Variants in SLC24A3 observed in about 807,000 individuals in gnomAD.
The protein encoded by SLC24A3 is sodium/potassium/calcium exchanger 3.
A neutral mutation model predicts 75.8 loss-of-function variants in SLC24A3; 28 were observed. The observed-to-expected ratio is 0.37, with a 90% CI of 0.27 to 0.51. The LOEUF (loss-of-function observed/expected upper bound fraction) is 0.51. SLC24A3 is among the 20% of genes least tolerant of loss of function. The probability of loss-of-function intolerance (pLI) is 0.94; values close to 1 mark genes in which losing one functional copy is unlikely to be tolerated. For synonymous variants in SLC24A3, 372 were observed against 334.1 expected (o/e 1.11, Z -1.24); for missense variants, 663 against 847.8 (o/e 0.78, Z 2.71).
intron 15 of SLC24A3, among the ~76,000 whole-genome samples, chr20:19,713,431 C>T (rs759703882): frequency 2.0e-5 from 3 of 152,180 alleles, no homozygotes; most frequent in Non-Finnish European, 2.9e-5. Context: ...GAGTGGCATC[C>T]GGGGTCTCTC....
Position 19,721,287 on chromosome 20 carries a change from GGCTCTCCC to G in SLC24A3, c.*148_*155del. ...CCTCCGCTCCTGTTTTGGTGGCCCA[GGCTCTCCC>G]CTGACCCATCCTCGCTCCCCCACCT... On this transcript the variant is annotated 3_prime_UTR_variant, in exon 17 of 17. Coordinates refer to ENST00000328041, the MANE Select transcript of SLC24A3 (RefSeq NM_020689.4). The G allele has an allele frequency of 9.7e-7, 1 of 1,033,166 alleles. No individual in the cohort carries two copies. Among genetic ancestry groups the G allele is most frequent in the Non-Finnish European group, 1.4e-6 (1 of 717,700 alleles). 64.0% of individuals were successfully genotyped at this position (1,033,166 alleles called of 1,614,324 possible).
At chr20:19,498,955 GAGA>G (rs1395122756) in intron 2 of SLC24A3, among the ~76,000 whole-genome samples, 6 of 152,318 alleles carry the variant, frequency 3.9e-5, no homozygotes, top group Admixed American at 1.3e-4. Context: ...TCTCCAAGCT[GAGA>G]AGACCACATG....
At position 19,662,924 on chromosome 20, in the gene SLC24A3, G is replaced by A. The variant is rs150687994; in HGVS notation, c.688-2940G>A. Among the ~76,000 whole-genome samples, 389 of 152,298 alleles carry A rather than the reference G, an allele frequency of 2.6e-3. 3 individuals carry two copies. Among genetic ancestry groups the A allele is most frequent in the African/African-American group, 8.5e-3 (352 of 41,564 alleles). Reference sequence around the variant, plus strand: ...CAGCAAGGTACCCTCCCGATGGAACGTTCTGCAAACAGCGCCAGTCCTAAT... The same window carrying A: ...CAGCAAGGTACCCTCCCGATGGAACATTCTGCAAACAGCGCCAGTCCTAAT... On this transcript the variant is annotated intron_variant, in intron 7 of 16. Coordinates refer to ENST00000328041, the MANE Select transcript of SLC24A3 (RefSeq NM_020689.4).
intron 7 of SLC24A3, among the ~76,000 whole-genome samples, chr20:19,659,965 C>A (rs926415294): frequency 1.3e-5 from 2 of 152,134 alleles, no homozygotes; most frequent in Non-Finnish European, 2.9e-5. Flanking sequence ...TTGTATCTTG[C>A]CCTTTCTGTG....
At chr20:19,673,981 A>G (rs754649412) in intron 9 of SLC24A3, among the ~76,000 whole-genome samples, 12 of 152,238 alleles carry the variant, frequency 7.9e-5, no homozygotes, top group Admixed American at 1.3e-4. Context: ...ATAAAACTCA[A>G]TATGTTACAC....
chr20:19,483,919 G>A (rs1191384318), intron 2 of SLC24A3, among the ~76,000 whole-genome samples: 2 of 152,098 alleles, frequency 1.3e-5, no homozygotes, highest in African/African-American at 2.4e-5. Flanking sequence ...GGTGTTTAAC[G>A]GTTAGCTGGA....
chr20:19,546,409 T>A (rs1256427709), intron 3 of SLC24A3, among the ~76,000 whole-genome samples: 1 of 152,104 alleles, frequency 6.6e-6, no homozygotes, highest in Non-Finnish European at 1.5e-5. Flanking sequence ...CCTTCTCCCA[T>A]CTTTTAAAGT....
rs753998289 is a variant in SLC24A3, at chr20:19,280,961, C to T, written c.145C>T (p.Leu49Phe). 9.3e-6 allele frequency: 15 copies of T among 1,613,600 alleles called. No homozygotes were observed. Among genetic ancestry groups the T allele is most frequent in the Non-Finnish European group, 1.3e-5 (15 of 1,179,728 alleles). ...GGTTATTGTCTTTGTCTCCCCAGAG[C>T]TTGACCTCATGGACCTCGTAGGGGA... ...SLSSLREQKE[L>F]DLMDLVGEDR... is the part of the protein sequence containing the mutation. Residue 49 changes from leucine (L) to phenylalanine (F), a missense_variant and splice_region_variant, in exon 2 of 17, where the codon CTT (leucine) becomes TTT (phenylalanine). By Grantham distance (22) the Leu-to-Phe change is conservative (BLOSUM62 0). Coordinates refer to ENST00000328041, the MANE Select transcript of SLC24A3 (RefSeq NM_020689.4).
At chr20:19,268,654 A>G (rs1311149407) in intron 1 of SLC24A3, among the ~76,000 whole-genome samples, 1 of 152,206 alleles carries the variant, frequency 6.6e-6, no homozygotes, top group African/African-American at 2.4e-5. Flanking sequence ...TCATAAGTCC[A>G]TGTATCTTCC....
chr20:19,445,614 A>G (rs1228871767), intron 2 of SLC24A3, among the ~76,000 whole-genome samples: 1 of 152,236 alleles, frequency 6.6e-6, no homozygotes, highest in East Asian at 1.9e-4. Context: ...GAGGCAGCGT[A>G]GAGCACACAT....
intron 15 of SLC24A3, among the ~76,000 whole-genome samples, chr20:19,714,176 G>A (rs2033018838): frequency 6.6e-6 from 1 of 152,152 alleles, no homozygotes; most frequent in African/African-American, 2.4e-5. Context: ...GCCAATGCTG[G>A]AGGATTGCTT....
At chr20:19,358,884 T>C (rs1214023857) in intron 2 of SLC24A3, among the ~76,000 whole-genome samples, 1 of 152,238 alleles carries the variant, frequency 6.6e-6, no homozygotes, top group Non-Finnish European at 1.5e-5. Context: ...TGGCTTTTTG[T>C]GTCTGGCTTA....
chr20:19,482,463 T>C (rs1392327572), intron 2 of SLC24A3, among the ~76,000 whole-genome samples: 1 of 152,202 alleles, frequency 6.6e-6, no homozygotes, highest in Non-Finnish European at 1.5e-5. Context: ...GCACAGGTCT[T>C]AGACTCTCTG....
At chr20:19,275,636 G>C (rs913419554) in intron 1 of SLC24A3, among the ~76,000 whole-genome samples, 3 of 152,154 alleles carry the variant, frequency 2.0e-5, no homozygotes, top group African/African-American at 7.2e-5. Context: ...CCCCAGTTGT[G>C]GGGAGGAGGG....
chr20:19,429,052 A>G (rs1324939816), intron 2 of SLC24A3, among the ~76,000 whole-genome samples: 1 of 152,178 alleles, frequency 6.6e-6, no homozygotes, highest in Non-Finnish European at 1.5e-5. Flanking sequence ...ATATAATGCT[A>G]TTTTTTAGAA....
chr20:19,676,461 C>G (rs551883605), intron 9 of SLC24A3, among the ~76,000 whole-genome samples: 1 of 152,336 alleles, frequency 6.6e-6, no homozygotes, highest in East Asian at 1.9e-4. Flanking sequence ...ATTGAAATCT[C>G]TGCTCTTTAG....
intron 12 of SLC24A3, among the ~76,000 whole-genome samples, chr20:19,692,517 A>C (rs961973170): frequency 6.6e-6 from 1 of 152,244 alleles, no homozygotes; most frequent in Non-Finnish European, 1.5e-5. Flanking sequence ...GAAGGCACGA[A>C]AACATCCTAT....
intron 1 of SLC24A3, among the ~76,000 whole-genome samples, chr20:19,275,190 C>A (rs1983447004): frequency 6.6e-6 from 1 of 152,150 alleles, no homozygotes; most frequent in Non-Finnish European, 1.5e-5. Context: ...GCCCCTAAGG[C>A]CACTTCCCTG....
chr20:19,264,746 C>A (rs202123981), intron 1 of SLC24A3, among the ~76,000 whole-genome samples: 1,278 of 98,654 alleles, frequency 0.013, 24 homozygotes, highest in Admixed American at 0.035. Flanking sequence ...AAAAAAAAAA[C>A]AAAACAAAAA....
Sources: gnomAD v4.1 joint callset for allele counts (sites outside exome capture counted in the v4.1 genomes callset) on GRCh38, gnomAD v4.1.1 for gene constraint, MANE v1.5 for transcripts, NCBI Gene and HGNC (gene_info 2026-07-23, HGNC 2026-07-21) for gene names.